The following NDC1 variants were observed in gnomAD, a reference collection of about 807,000 sequenced individuals.
The protein encoded by NDC1 is NDC1 transmembrane nucleoporin.
NDC1 carries 24 observed loss-of-function variants against 89.8 expected under a neutral mutation model. That is an observed-to-expected ratio of 0.27 (90% CI 0.19 to 0.38). The LOEUF (loss-of-function observed/expected upper bound fraction) is 0.38, where lower values mean the gene tolerates loss of function less well. NDC1 is among the 10% of genes least tolerant of loss of function. The pLI, the probability that NDC1 is intolerant of heterozygous loss-of-function variation, is 1.00. For missense variants in NDC1, 728 were observed against 797.6 expected (o/e 0.91, Z 1.05); for synonymous variants, 296 against 284.8 (o/e 1.04, Z -0.39).
chr1:53,803,779 G>T (rs1648006395), intron 10 of NDC1, 149 bp downstream of exon 10: 2 of 606,774 alleles, frequency 3.3e-6, no homozygotes, highest in Non-Finnish European at 6.0e-6. Flanking sequence ...CACCGTGTTA[G>T]CCAGGATGGT....
At chr1:53,785,934 T>C (rs1570169537) in intron 16 of NDC1, among the ~76,000 whole-genome samples, 6 of 151,862 alleles carry the variant, frequency 4.0e-5, no homozygotes, top group Admixed American at 3.9e-4. Flanking sequence ...TATTTATTTA[T>C]TTACTTTTGA....
At chr1:53,836,013 G>A (rs1649220583) in intron 1 of NDC1, among the ~76,000 whole-genome samples, 1 of 152,080 alleles carries the variant, frequency 6.6e-6, no homozygotes, top group African/African-American at 2.4e-5. Context: ...AACCTTTACT[G>A]GGCAACTACG....
intron 17 of NDC1, among the ~76,000 whole-genome samples, chr1:53,769,769 G>A (rs1269531044): frequency 6.6e-6 from 1 of 152,192 alleles, no homozygotes; most frequent in African/African-American, 2.4e-5. Flanking sequence ...AACAACAAAT[G>A]AAACCAAGTG....
At chr1:53,796,347 A>G (rs1205967387) in intron 13 of NDC1, among the ~76,000 whole-genome samples, 1 of 152,200 alleles carries the variant, frequency 6.6e-6, no homozygotes, top group Non-Finnish European at 1.5e-5. Context: ...GAGAAACAGA[A>G]TATAATACAT....
intron 11 of NDC1, among the ~76,000 whole-genome samples, chr1:53,798,718 C>G (rs1647811156): frequency 6.6e-6 from 1 of 152,032 alleles, no homozygotes; most frequent in Non-Finnish European, 1.5e-5. Flanking sequence ...CCACAGCCAG[C>G]TAATTTTTAT....
In NDC1 at chr1:53,832,611, A is replaced by T; in HGVS notation, c.179-20T>A. 7.7e-7 allele frequency: 1 copy of T among 1,306,392 alleles called. No individual in the cohort carries two copies. The highest frequency in any genetic ancestry group is 1.1e-6 in the Non-Finnish European group (1 of 904,140). The allele number at this position is 1,306,392 out of a possible 1,614,324, so 80.9% of individuals were successfully genotyped here. A position where few individuals can be genotyped will look rare whatever the true frequency, so the allele number is the denominator to read the frequency against. On this transcript the variant is annotated intron_variant, in intron 2 of 17. Transcript: ENST00000371429. ...AAGAATCTAAAACACAAGAGAGATGAATTAGTAAAGGTTATTCAGTCATGT... is the reference window on the plus strand; with the variant it reads ...AAGAATCTAAAACACAAGAGAGATGTATTAGTAAAGGTTATTCAGTCATGT...
chr1:53,822,131 G>C (rs1312666174), intron 5 of NDC1, among the ~76,000 whole-genome samples: 1 of 152,132 alleles, frequency 6.6e-6, no homozygotes, highest in East Asian at 1.9e-4. Flanking sequence ...TGGACTAATG[G>C]CAAATTGGTT....
Position 53,778,195 on chromosome 1 carries a change from ATTAAGGGGATTC to A in NDC1, c.1801-5718_1801-5707del, listed in dbSNP as rs551743707. Among the ~76,000 whole-genome samples, 1,501 of 151,714 alleles carry A rather than the reference ATTAAGGGGATTC, an allele frequency of 9.9e-3. 11 individuals carry two copies. Among genetic ancestry groups the A allele is most frequent in the Middle Eastern group, 0.024 (7 of 292 alleles). ...CCGGAGAAAAGCATTAATGTATCCG[ATTAAGGGGATTC>A]TACCTCAGATACCAAAAGGAATGTA... On this transcript the variant is annotated intron_variant, in intron 16 of 17. Coordinates refer to ENST00000371429, the MANE Select transcript of NDC1 (RefSeq NM_018087.5).
chr1:53,768,213 G>A (rs543965083), intron 17 of NDC1, among the ~76,000 whole-genome samples, 180 bp from the exon 18 acceptor site: 4 of 152,346 alleles, frequency 2.6e-5, no homozygotes, highest in Middle Eastern at 6.8e-3. Flanking sequence ...AGGAGGGCTT[G>A]CATTCAGTAA....
At chr1:53,795,151 C>T (rs1647656358) in intron 13 of NDC1, among the ~76,000 whole-genome samples, 1 of 152,112 alleles carries the variant, frequency 6.6e-6, no homozygotes, top group African/African-American at 2.4e-5. Flanking sequence ...GACACTCCCA[C>T]CTTCTCCTCC....
chr1:53,767,253 A>G lies in NDC1; in HGVS notation c.*717T>C, dbSNP rs1490578176. The G allele has an allele frequency of 1.3e-5, 2 of 152,242 alleles. No homozygotes were observed. The highest frequency in any genetic ancestry group is 4.8e-5 in the African/African-American group (2 of 41,468). The allele number at this position is 152,242 out of a possible 1,614,324, so 9.4% of individuals were successfully genotyped here. A position where few individuals can be genotyped will look rare whatever the true frequency, so the allele number is the denominator to read the frequency against. On this transcript the variant is annotated 3_prime_UTR_variant, in exon 18 of 18. Transcript: ENST00000371429. ...CATACATTAATACTTCGTGTTTACT[A>G]GCATGATACAAAATAAATTCATAGA...
Position 53,787,025 on chromosome 1 carries a change from G to A in NDC1, c.1800+133C>T, listed in dbSNP as rs990085900. 80 of 585,572 alleles carry A rather than the reference G, an allele frequency of 1.4e-4. No individual in the cohort carries two copies. The African/African-American group carries it at 1.5e-3, about 11-fold the overall frequency. The allele number at this position is 585,572 out of a possible 1,614,324, so 36.3% of individuals were successfully genotyped here. A position where few individuals can be genotyped will look rare whatever the true frequency, so the allele number is the denominator to read the frequency against. On this transcript the variant is annotated intron_variant, in intron 16 of 17. Coordinates refer to ENST00000371429, the MANE Select transcript of NDC1 (RefSeq NM_018087.5). ...GTCTTTTAGATTGTAATTTCCTGAG[G>A]GTGAAAAAGTATCATTATTTTAACT... is the stretch of plus-strand genomic sequence containing the variant.
intron 2 of NDC1, among the ~76,000 whole-genome samples, chr1:53,833,347 G>A (rs1649127738): frequency 6.6e-6 from 1 of 151,916 alleles, no homozygotes; most frequent in Non-Finnish European, 1.5e-5. Context: ...TGTTGTCAAG[G>A]CTGGTCTCAA....
chr1:53,781,534 T>A (rs924085363), intron 16 of NDC1, among the ~76,000 whole-genome samples: 18 of 152,236 alleles, frequency 1.2e-4, no homozygotes, highest in African/African-American at 3.4e-4. Context: ...CTTTGAAGGA[T>A]GAAAGGCTCC....
chr1:53,808,965 C>G (rs1345408487), intron 7 of NDC1, among the ~76,000 whole-genome samples: 1 of 152,168 alleles, frequency 6.6e-6, no homozygotes, highest in Non-Finnish European at 1.5e-5. Context: ...TAAGAACAAA[C>G]ACTGAGAGAG....
At chr1:53,800,597 T>C in intron 11 of NDC1, 96 bp downstream of exon 11, 1 of 1,381,466 alleles carries the variant, frequency 7.2e-7, no homozygotes, top group Non-Finnish European at 1.0e-6. Context: ...AGTGCGGGGA[T>C]AACAGGCGTG....
intron 14 of NDC1, among the ~76,000 whole-genome samples, chr1:53,790,753 T>C (rs1371351811): frequency 6.6e-6 from 1 of 152,078 alleles, no homozygotes; most frequent in African/African-American, 2.4e-5. Flanking sequence ...AACTGCCTAC[T>C]TGTTATCTCT....
At chr1:53,824,274 AAGAG>A (rs969599326) in intron 5 of NDC1, among the ~76,000 whole-genome samples, 22 of 151,230 alleles carry the variant, frequency 1.5e-4, no homozygotes, top group African/African-American at 3.2e-4. Flanking sequence ...GAAATTTAAA[AAGAG>A]AGAGAGAGAG....
At chr1:53,805,934 C>T (rs1485574048) in intron 9 of NDC1, among the ~76,000 whole-genome samples, 2 of 152,134 alleles carry the variant, frequency 1.3e-5, no homozygotes, top group African/African-American at 4.8e-5. Context: ...ATTAGCCGGG[C>T]GTGGTAGCGG....
Sources: gnomAD v4.1 joint callset for allele counts (sites outside exome capture counted in the v4.1 genomes callset) on GRCh38, gnomAD v4.1.1 for gene constraint, MANE v1.5 for transcripts, NCBI Gene and HGNC (gene_info 2026-07-23, HGNC 2026-07-21) for gene names.